Variants in ATP2B2 observed in about 807,000 individuals in gnomAD.
ATP2B2 encodes ATPase plasma membrane Ca2+ transporting 2, also known as plasma membrane calcium-transporting ATPase 2.
Under a neutral mutation model 120.0 loss-of-function variants are expected in ATP2B2, and 15 were observed. The observed-to-expected ratio is 0.12, with a 90% CI of 0.08 to 0.19. The LOEUF is 0.19. Ranked by LOEUF, ATP2B2 falls within the 10% of genes least tolerant of loss-of-function variation. ATP2B2 has a pLI of 1.00. For synonymous variants in ATP2B2, 694 were observed against 700.3 expected (o/e 0.99, Z 0.14); for missense variants, 1,045 against 1,719.8 (o/e 0.61, Z 6.94).
chr3:10,461,891 C>T (rs1402755374), intron 1 of ATP2B2, among the ~76,000 whole-genome samples: 1 of 152,140 alleles, frequency 6.6e-6, no homozygotes, highest in Non-Finnish European at 1.5e-5. Flanking sequence ...TGGTGAGGAC[C>T]CCCACTGGCA....
At chr3:10,516,725 G>A (rs1466259388) in intron 3 of ATP2B2, among the ~76,000 whole-genome samples, 2 of 152,232 alleles carry the variant, frequency 1.3e-5, no homozygotes, top group Non-Finnish European at 2.9e-5. Context: ...CAGTGATAAG[G>A]AAAGTGATAT....
At chr3:10,482,143 T>A (rs1430193326) in intron 1 of ATP2B2, among the ~76,000 whole-genome samples, 1 of 152,196 alleles carries the variant, frequency 6.6e-6, no homozygotes, top group East Asian at 1.9e-4. Context: ...GTGCTTAATG[T>A]CTAGTTGAGT....
rs544622305 is a variant in ATP2B2 at position 10,455,852 on chromosome 3, G to A, written c.-319-5990C>T. Reference sequence around the variant, plus strand: ...AAGCCCCTTTCTTCTCTGGGCCTCAGTTTCCCCATGTGGGAAGTGAAGGGA... The same window carrying A: ...AAGCCCCTTTCTTCTCTGGGCCTCAATTTCCCCATGTGGGAAGTGAAGGGA... On this transcript the variant is annotated intron_variant, in intron 1 of 22. Transcript: ENST00000360273. Among the ~76,000 whole-genome samples the A allele has an allele frequency of 1.1e-4, 16 of 152,354 alleles. No individual in the cohort carries two copies. In the East Asian group the frequency reaches 3.1e-3, roughly 29 times the overall value.
At chr3:10,398,543 C>T (rs1217005022) in intron 5 of ATP2B2, among the ~76,000 whole-genome samples, 1 of 152,246 alleles carries the variant, frequency 6.6e-6, no homozygotes, top group Admixed American at 6.5e-5. Context: ...ACGGGACTCA[C>T]TGGGATCCCT....
intron 2 of ATP2B2, among the ~76,000 whole-genome samples, chr3:10,441,446 G>A (rs756279605): frequency 7.2e-5 from 11 of 152,262 alleles, no homozygotes; most frequent in Non-Finnish European, 1.5e-4. Context: ...CACCATGTTG[G>A]CCAGGCTGGT....
At chr3:10,336,085 G>A in intron 22 of ATP2B2, 1 of 1,542,666 alleles carries the variant, frequency 6.5e-7, no homozygotes, top group Non-Finnish European at 8.8e-7. Flanking sequence ...CCTGGGAGCT[G>A]GCGTGGGCAG....
rs1367698419 is a variant in ATP2B2, at chr3:10,375,781, A to G, written c.1202-137T>C. 3 of 765,410 alleles carry G rather than the reference A, an allele frequency of 3.9e-6. No homozygotes were observed. Among genetic ancestry groups the G allele is most frequent in the Non-Finnish European group, 6.7e-6 (3 of 444,568 alleles). The allele number at this position is 765,410 out of a possible 1,614,324, so 47.4% of individuals were successfully genotyped here. On this transcript the variant is annotated intron_variant, in intron 10 of 22. Transcript: ENST00000360273. This position sits in a 1 kb window ranked among gnomAD's most constrained non-coding sequence, Gnocchi z 4.2. ...TCCCAGCTCTGCCACTCCTTGCTTT[A>G]TGACCTGTGGCAAGTTCTTGAGACC... is the stretch of plus-strand genomic sequence containing the variant.
At chr3:10,495,282 G>A (rs971986198) in intron 1 of ATP2B2, among the ~76,000 whole-genome samples, 4 of 152,186 alleles carry the variant, frequency 2.6e-5, no homozygotes, top group Admixed American at 2.6e-4. Flanking sequence ...CATGGACAGG[G>A]TGCTGGGCTT....
intron 1 of ATP2B2, among the ~76,000 whole-genome samples, chr3:10,467,636 G>A (rs999436209): frequency 1.3e-5 from 2 of 152,094 alleles, no homozygotes; most frequent in East Asian, 1.9e-4. Flanking sequence ...CTCCTTCCAC[G>A]CTTATGTTTG....
intron 2 of ATP2B2, among the ~76,000 whole-genome samples, chr3:10,444,831 T>TG (rs1229695917): frequency 6.6e-6 from 1 of 152,228 alleles, no homozygotes; most frequent in Admixed American, 6.5e-5. Flanking sequence ...TCCCCAAGCC[T>TG]GCAGCCTTCT....
In ATP2B2 at chr3:10,677,377, A is replaced by G. The variant is rs116185656; in HGVS notation, c.-460+30538T>C. Among the ~76,000 whole-genome samples the G allele has an allele frequency of 4.4e-3, 663 of 152,312 alleles. 4 individuals are homozygous for G. The highest frequency in any genetic ancestry group is 0.015 in the African/African-American group (603 of 41,582). ...AAAGGCAAAACTATGGAGACAGGAA[A>G]ATGATCAGTGGTCAACAGGGGTTGG... On this transcript the variant is annotated intron_variant, in intron 1 of 21. Transcript: ENST00000646379.
At chr3:10,344,548 G>A (rs2060374816) in intron 18 of ATP2B2, among the ~76,000 whole-genome samples, 1 of 152,218 alleles carries the variant, frequency 6.6e-6, no homozygotes, top group African/African-American at 2.4e-5. Context: ...TGTGGGCATG[G>A]GCTTGTCTGC....
chr3:10,512,464 G>GCGCACACACACA (rs749056818), intron 3 of ATP2B2, among the ~76,000 whole-genome samples: 4 of 136,926 alleles, frequency 2.9e-5, no homozygotes, highest in Non-Finnish European at 4.7e-5. Context: ...AAGTGTGTGC[G>GCGCACACACACA]CACACACACA....
At chr3:10,598,275 C>G (rs139107335) in intron 2 of ATP2B2, among the ~76,000 whole-genome samples, 1 of 152,294 alleles carries the variant, frequency 6.6e-6, no homozygotes, top group East Asian at 1.9e-4. Flanking sequence ...GCCAGAGTCC[C>G]TGGGTTCAAA....
rs997349798 is a variant in ATP2B2 at position 10,326,733 on chromosome 3, C to G, written c.*2081G>C. On this transcript the variant is annotated 3_prime_UTR_variant, in exon 23 of 23. Transcript: ENST00000360273. ...ACTTCTTCACGACATTCAGGTGATG[C>G]GCTCTTGAAGGTCCTCCTTCCAGGA... is the stretch of plus-strand genomic sequence containing the variant. The G allele has an allele frequency of 5.0e-6, 2 of 399,044 alleles. No individual in the cohort carries two copies. The highest frequency in any genetic ancestry group is 8.8e-6 in the Non-Finnish European group (2 of 226,068). The allele number at this position is 399,044 out of a possible 1,614,324, so 24.7% of individuals were successfully genotyped here. A position where few individuals can be genotyped will look rare whatever the true frequency, so the allele number is the denominator to read the frequency against.
At chr3:10,558,072 C>T (rs2067820354) in intron 2 of ATP2B2, among the ~76,000 whole-genome samples, 1 of 152,224 alleles carries the variant, frequency 6.6e-6, no homozygotes, top group Admixed American at 6.5e-5. Flanking sequence ...AAGTGTGCTT[C>T]TGGCATGTCC....
At chr3:10,440,564 C>T (rs1185052950) in intron 2 of ATP2B2, among the ~76,000 whole-genome samples, 1 of 152,230 alleles carries the variant, frequency 6.6e-6, no homozygotes, top group Non-Finnish European at 1.5e-5. Context: ...GTTGTCATCA[C>T]AGGGCCTTTG....
At chr3:10,586,020 C>T (rs917731344) in intron 2 of ATP2B2, among the ~76,000 whole-genome samples, 12 of 152,222 alleles carry the variant, frequency 7.9e-5, no homozygotes, top group Non-Finnish European at 1.8e-4. Context: ...TACTGACTTT[C>T]TCCCTGCCTT....
At chr3:10,693,551 T>A (rs1441528864) in intron 1 of ATP2B2, among the ~76,000 whole-genome samples, 2 of 152,262 alleles carry the variant, frequency 1.3e-5, no homozygotes, top group Admixed American at 6.5e-5. Flanking sequence ...TCCTTTGCTA[T>A]TTTTAAAACA....
Sources: gnomAD v4.1 joint callset for allele counts (sites outside exome capture counted in the v4.1 genomes callset) on GRCh38, gnomAD v4.1.1 for gene constraint, Gnocchi (gnomAD v3.1) non-coding constraint, MANE v1.5 for transcripts, NCBI Gene and HGNC (gene_info 2026-07-23, HGNC 2026-07-21) for gene names.